The following MCU variants were observed in gnomAD, a reference collection of about 807,000 sequenced individuals.
MCU encodes the protein calcium uniporter protein, mitochondrial.
Under a neutral mutation model 45.2 loss-of-function variants are expected in MCU, and 12 were observed. The observed-to-expected ratio is 0.27, with a 90% CI of 0.17 to 0.43. The LOEUF (loss-of-function observed/expected upper bound fraction) is 0.43, where lower values mean the gene tolerates loss of function less well. Among genes scored for constraint, MCU ranks in the 20% least tolerant of loss-of-function variants. The pLI is 1.00. For missense variants in MCU, 324 were observed against 436.7 expected, an observed-to-expected ratio of 0.74 and a Z score of 2.30; for synonymous variants, 160 against 165.1, an observed-to-expected ratio of 0.97 and a Z score of 0.24.
chr10:72,698,908 A>G (rs1218232336), intron 1 of MCU, among the ~76,000 whole-genome samples: 3 of 152,044 alleles, frequency 2.0e-5, no homozygotes, highest in Admixed American at 1.3e-4. Context: ...GGCTTAAGTG[A>G]TCCTCCGACC....
intron 1 of MCU, among the ~76,000 whole-genome samples, chr10:72,743,010 G>GA (rs1418916544): frequency 1.3e-5 from 2 of 151,950 alleles, no homozygotes; most frequent in Non-Finnish European, 2.9e-5. Flanking sequence ...AGTGAAGTGA[G>GA]AGAGTATGAG....
In MCU at chr10:72,817,052, A is replaced by G. The variant is rs563521887; in HGVS notation, c.151-17307A>G. The stretch of plus-strand genomic sequence containing the variant: ...TGACACCTTAAAATTCATGTAATCC[A>G]GAAGCATTCAGGAGAATCATGTTTG... On this transcript the variant is annotated intron_variant, in intron 1 of 7. Transcript: ENST00000373053. 9.7e-4 allele frequency among the ~76,000 whole-genome samples: 147 copies of G among 152,324 alleles called. 1 individual carries two copies. The highest frequency in any genetic ancestry group is 3.1e-3 in the African/African-American group (128 of 41,576).
chr10:72,817,043 A>G (rs1246145044), intron 1 of MCU, among the ~76,000 whole-genome samples: 1 of 152,224 alleles, frequency 6.6e-6, no homozygotes, highest in Non-Finnish European at 1.5e-5. Flanking sequence ...CTTAAAATTC[A>G]TGTAATCCAG....
chr10:72,816,613 A>G (rs1369387206), intron 1 of MCU, among the ~76,000 whole-genome samples: 1 of 152,204 alleles, frequency 6.6e-6, no homozygotes, highest in Non-Finnish European at 1.5e-5. Context: ...CTTAATTTCT[A>G]TTTAAAAAAT....
intron 1 of MCU, among the ~76,000 whole-genome samples, chr10:72,699,099 G>A (rs563033464): frequency 6.0e-4 from 92 of 152,096 alleles, no homozygotes; most frequent in African/African-American, 2.1e-3. Flanking sequence ...CACCGTGCCC[G>A]GACTCTTTAT....
intron 1 of MCU, among the ~76,000 whole-genome samples, chr10:72,810,413 G>A (rs1424944650): frequency 1.3e-5 from 2 of 148,496 alleles, no homozygotes; most frequent in Non-Finnish European, 3.0e-5. Flanking sequence ...AAAGCATTTA[G>A]TGAGTAACAT....
intron 1 of MCU, among the ~76,000 whole-genome samples, chr10:72,766,114 C>T (rs886394438): frequency 7.9e-5 from 12 of 152,192 alleles, no homozygotes; most frequent in African/African-American, 2.9e-4. Context: ...GCAGTCCTCT[C>T]ACCATGGCCT....
intron 1 of MCU, among the ~76,000 whole-genome samples, chr10:72,694,761 G>T (rs1160409077): frequency 7.9e-5 from 12 of 152,160 alleles, no homozygotes; most frequent in Admixed American, 7.2e-4. Context: ...CAACCAGGGG[G>T]GCATAACCAG....
At chr10:72,859,712 A>G (rs1336921245) in intron 3 of MCU, among the ~76,000 whole-genome samples, 1 of 152,226 alleles carries the variant, frequency 6.6e-6, no homozygotes, top group Non-Finnish European at 1.5e-5. Context: ...CTCTGGAAAG[A>G]AAAGTTTGCC....
At chr10:72,776,305 T>C (rs1241215407) in intron 1 of MCU, among the ~76,000 whole-genome samples, 1 of 152,156 alleles carries the variant, frequency 6.6e-6, no homozygotes, top group African/African-American at 2.4e-5. Context: ...CGAACATAGA[T>C]GCAGAAATCC....
chr10:72,752,439 T>C (rs1843515850), intron 1 of MCU, among the ~76,000 whole-genome samples: 1 of 152,196 alleles, frequency 6.6e-6, no homozygotes, highest in Non-Finnish European at 1.5e-5. Context: ...ACAGTAAATA[T>C]AGAATGTGCT....
Position 72,885,824 on chromosome 10 carries a change from CT to C in MCU, c.*3del. 1 of 1,611,894 alleles carries C rather than the reference CT, an allele frequency of 6.2e-7. No individual in the cohort carries two copies. Among genetic ancestry groups the C allele is most frequent in the Non-Finnish European group, 8.5e-7 (1 of 1,178,114 alleles). On this transcript the variant is annotated 3_prime_UTR_variant, in exon 8 of 8. Coordinates refer to ENST00000373053, the MANE Select transcript of MCU (RefSeq NM_138357.3). ...CGACAAATTGGTGAAAAAGATTGATCTGCAAAAAGCCTCTGAATCCTGGCAG... is the reference window on the plus strand; with the variant it reads ...CGACAAATTGGTGAAAAAGATTGATCGCAAAAAGCCTCTGAATCCTGGCAG...
At chr10:72,799,810 T>G (rs1319124417) in intron 1 of MCU, among the ~76,000 whole-genome samples, 1 of 152,198 alleles carries the variant, frequency 6.6e-6, no homozygotes, top group African/African-American at 2.4e-5. Context: ...GTATTTCTTA[T>G]TTTACGAATT....
intron 1 of MCU, among the ~76,000 whole-genome samples, chr10:72,770,536 A>T (rs1182998471): frequency 6.6e-6 from 1 of 152,080 alleles, no homozygotes; most frequent in Non-Finnish European, 1.5e-5. Flanking sequence ...TTACAAACCT[A>T]ACAATGTTAT....
chr10:72,828,039 T>A (rs546767684), intron 1 of MCU, among the ~76,000 whole-genome samples: 75 of 152,214 alleles, frequency 4.9e-4, no homozygotes, highest in Non-Finnish European at 9.4e-4. Flanking sequence ...TATAGGTGTG[T>A]CTTGCATTAG....
chr10:72,846,505 G>A (rs1410596494), intron 2 of MCU, among the ~76,000 whole-genome samples: 1 of 152,100 alleles, frequency 6.6e-6, no homozygotes, highest in Non-Finnish European at 1.5e-5. Context: ...TCAGTTACCG[G>A]ATTGACTGTT....
intron 2 of MCU, among the ~76,000 whole-genome samples, chr10:72,850,122 C>A (rs1210062930): frequency 6.6e-6 from 1 of 152,028 alleles, no homozygotes; most frequent in African/African-American, 2.4e-5. Context: ...ACCATGTTGG[C>A]CAGACTGGTC....
At position 72,692,252 on chromosome 10, in the gene MCU, T is replaced by A; in HGVS notation, c.101T>A (p.Phe34Tyr). ...TGCGGGGCGCTGACTGCCGGCTGCT[T>A]CCCTGGGCTGGGCGTCAGCCGCCAC... ...GGCGALTAGCFPGLGVSRHRQ... is the reference protein window; with the variant it reads ...GGCGALTAGCYPGLGVSRHRQ... Residue 34 changes from phenylalanine to tyrosine, a missense_variant, in exon 1 of 8, where the codon TTC becomes TAC. Physicochemically the swap from Phe to Tyr is conservative, Grantham distance 22. Coordinates refer to ENST00000373053, the MANE Select transcript of MCU (RefSeq NM_138357.3). 8.1e-7 allele frequency: 1 copy of A among 1,236,376 alleles called. No homozygotes were observed. Among genetic ancestry groups the A allele is most frequent in the Non-Finnish European group, 1.0e-6 (1 of 986,318 alleles). 76.6% of individuals were successfully genotyped at this position (1,236,376 alleles called of 1,614,324 possible).
At chr10:72,800,777 T>C (rs1844327058) in intron 1 of MCU, among the ~76,000 whole-genome samples, 2 of 152,234 alleles carry the variant, frequency 1.3e-5, no homozygotes, top group Admixed American at 1.3e-4. Context: ...TTAATTGATA[T>C]AATTTACACA....
Sources: gnomAD v4.1 joint callset for allele counts (sites outside exome capture counted in the v4.1 genomes callset) on GRCh38, gnomAD v4.1.1 for gene constraint, MANE v1.5 for transcripts, NCBI Gene and HGNC (gene_info 2026-07-23, HGNC 2026-07-21) for gene names.